The following RBFOX3 variants were observed in gnomAD, a reference collection of about 807,000 sequenced individuals.
RBFOX3 encodes the protein RNA binding fox-1 homolog 3, also known as RNA binding protein fox-1 homolog 3.
In RBFOX3, 17 loss-of-function variants were observed where a neutral mutation model predicts 48.7. The ratio of observed to expected loss-of-function variants is 0.35; its 90% CI spans 0.24 to 0.52. The LOEUF is 0.52. Ranked by LOEUF, RBFOX3 falls within the 20% of genes least tolerant of loss-of-function variation. The probability of loss-of-function intolerance (pLI) is 0.94; values close to 1 mark genes in which losing one functional copy is unlikely to be tolerated. For synonymous variants in RBFOX3, 212 were observed against 209.5 expected (o/e 1.01, Z -0.10); for missense variants, 382 against 497.5 (o/e 0.77, Z 2.21).
At position 79,423,868 on chromosome 17, in the gene RBFOX3, G is replaced by A. The variant is rs1454568528; in HGVS notation, c.-175+58586C>T. On this transcript the variant is annotated intron_variant, in intron 2 of 14. Coordinates refer to ENST00000693108, the MANE Select transcript of RBFOX3 (RefSeq NM_001350451.2). The surrounding 1 kb of genome is among the most constrained non-coding windows in gnomAD (Gnocchi z 4.9). ...CACACTCAGTCATGTGCTACCCAGAGCACGCCACATGCCCTCAGCTCCCTG... is the reference window on the plus strand; with the variant it reads ...CACACTCAGTCATGTGCTACCCAGAACACGCCACATGCCCTCAGCTCCCTG... 6.5e-6 allele frequency: 1 copy of A among 153,766 alleles called. No homozygotes were observed. The highest frequency in any genetic ancestry group is 2.4e-5 in the African/African-American group (1 of 41,428). 9.5% of individuals were successfully genotyped at this position (153,766 alleles called of 1,614,324 possible).
chr17:79,487,942 C>T (rs1214554843), intron 1 of RBFOX3, among the ~76,000 whole-genome samples: 1 of 119,530 alleles, frequency 8.4e-6, no homozygotes, highest in East Asian at 2.2e-4. Context: ...TCCTGGGTGA[C>T]CTGAACACCA....
intron 1 of RBFOX3, among the ~76,000 whole-genome samples, chr17:79,527,122 C>T (rs1372877946): frequency 4.6e-5 from 7 of 152,240 alleles, no homozygotes; most frequent in African/African-American, 1.7e-4. Context: ...GCTACTCGTG[C>T]CTCTAGGCAC....
rs116127105 is a variant in RBFOX3 at position 79,453,365 on chromosome 17, C to T, written c.-175+29089G>A. On this transcript the variant is annotated intron_variant, in intron 2 of 14. Transcript: ENST00000693108. ...GAGATGGCCATAGAAGCTGGGGCGTCGCAGTGGGGCCCCTCTCTTCCTCCT... is the reference window on the plus strand; with the variant it reads ...GAGATGGCCATAGAAGCTGGGGCGTTGCAGTGGGGCCCCTCTCTTCCTCCT... Among the ~76,000 whole-genome samples, 780 of 152,222 alleles carry T rather than the reference C, an allele frequency of 5.1e-3. 10 individuals are homozygous for T. The highest frequency in any genetic ancestry group is 0.017 in the African/African-American group (725 of 41,532).
chr17:79,560,019 T>G, intron 1 of RBFOX3, among the ~76,000 whole-genome samples: 1 of 92,640 alleles, frequency 1.1e-5, no homozygotes, highest in South Asian at 4.1e-4. Context: ...GATGGGTGGG[T>G]GGGTGTATGG....
At position 79,572,812 on chromosome 17, in the gene RBFOX3, C is replaced by T. The variant is rs961391141; in HGVS notation, c.-320+38014G>A. Among the ~76,000 whole-genome samples, 554 of 152,316 alleles carry T rather than the reference C, an allele frequency of 3.6e-3. 5 individuals carry two copies. Among genetic ancestry groups the T allele is most frequent in the African/African-American group, 0.012 (512 of 41,566 alleles). ...GCTCTGAGGACCAGAATAATGGCCA[C>T]GCTGCAGGGACGCAGAGGCTGGCCA... On this transcript the variant is annotated intron_variant, in intron 1 of 14. Coordinates refer to ENST00000693108, the MANE Select transcript of RBFOX3 (RefSeq NM_001350451.2).
chr17:79,290,184 C>T (rs2072962284), intron 3 of RBFOX3, among the ~76,000 whole-genome samples: 1 of 152,036 alleles, frequency 6.6e-6, no homozygotes, highest in Non-Finnish European at 1.5e-5. Context: ...GAAGGGGAAC[C>T]TTCTCAAGCT....
intron 2 of RBFOX3, among the ~76,000 whole-genome samples, chr17:79,402,884 G>A (rs527762312): frequency 6.6e-6 from 1 of 152,238 alleles, no homozygotes; most frequent in East Asian, 1.9e-4. Flanking sequence ...CCCGGATGTC[G>A]TGGGGCTGCC....
chr17:79,474,766 C>T lies in RBFOX3; in HGVS notation c.-175+7688G>A, dbSNP rs764781466. ...ACCACCTGACTCAGTCCCTGCTGCCCGCCCACTGGCCTGCCTCACCACCAG... is the reference window on the plus strand; with the variant it reads ...ACCACCTGACTCAGTCCCTGCTGCCTGCCCACTGGCCTGCCTCACCACCAG... On this transcript the variant is annotated intron_variant, in intron 2 of 14. Transcript: ENST00000693108. Among the ~76,000 whole-genome samples the T allele has an allele frequency of 5.4e-3, 817 of 152,284 alleles. 4 individuals are homozygous for T. The highest frequency in any genetic ancestry group is 8.7e-3 in the Non-Finnish European group (589 of 68,016).
chr17:79,581,763 G>A (rs980008207), intron 1 of RBFOX3, among the ~76,000 whole-genome samples: 12 of 152,250 alleles, frequency 7.9e-5, no homozygotes, highest in Admixed American at 6.5e-4. Context: ...ACCTCTTGCT[G>A]TTCCAAGGAG....
intron 4 of RBFOX3, among the ~76,000 whole-genome samples, chr17:79,139,231 A>G (rs1490734248): frequency 6.7e-6 from 1 of 149,338 alleles, no homozygotes; most frequent in African/African-American, 2.5e-5. Flanking sequence ...CCCCACAAAC[A>G]CAGGGCCCCC....
At chr17:79,513,810 C>A (rs1357857881) in intron 1 of RBFOX3, among the ~76,000 whole-genome samples, 1 of 152,198 alleles carries the variant, frequency 6.6e-6, no homozygotes, top group Non-Finnish European at 1.5e-5. Flanking sequence ...CCATTTCTCC[C>A]GAGTGTGGTT....
chr17:79,559,185 A>G (rs1372325969), intron 1 of RBFOX3, among the ~76,000 whole-genome samples: 1 of 152,066 alleles, frequency 6.6e-6, no homozygotes, highest in East Asian at 1.9e-4. Flanking sequence ...TTTTTTTCCC[A>G]TGATTGTCTT....
the RBFOX3 span, among the ~76,000 whole-genome samples, chr17:79,637,875 C>G: frequency 6.6e-6 from 1 of 151,878 alleles, no homozygotes; most frequent in Non-Finnish European, 1.5e-5. Context: ...TCAAGATGAT[C>G]TAAATTATTC....
intron 2 of RBFOX3, among the ~76,000 whole-genome samples, chr17:79,347,439 A>G (rs1387043697): frequency 6.6e-6 from 1 of 151,996 alleles, no homozygotes; most frequent in African/African-American, 2.4e-5. Context: ...GTCCTCTTCT[A>G]TATTTTTATT....
chr17:79,559,469 G>A (rs939304395), intron 1 of RBFOX3, among the ~76,000 whole-genome samples: 57 of 150,062 alleles, frequency 3.8e-4, no homozygotes, highest in Admixed American at 1.7e-3. Context: ...GTGACTGATG[G>A]ATACTGCATG....
rs2078113475 is a variant in RBFOX3, at chr17:79,477,569, AGAG to A, written c.-175+4882_-175+4884del. On this transcript the variant is annotated intron_variant, in intron 2 of 14. Transcript: ENST00000693108. This position sits in a 1 kb window ranked among gnomAD's most constrained non-coding sequence, Gnocchi z 4.8. The stretch of plus-strand genomic sequence containing the variant: ...AAACTCCGTCACCGGAAAAAAAAAA[AGAG>A]GAGGAGGAGTAGGAAAAAAGGGTGA... Among the ~76,000 whole-genome samples the A allele has an allele frequency of 6.7e-6, 1 of 149,866 alleles. No homozygotes were observed. The highest frequency in any genetic ancestry group is 2.4e-5 in the African/African-American group (1 of 40,878).
intron 2 of RBFOX3, among the ~76,000 whole-genome samples, chr17:79,389,090 C>G (rs113250450): frequency 6.7e-6 from 1 of 148,186 alleles, no homozygotes. Context: ...AGGGACGAAG[C>G]GGTGGGCGCG....
chr17:79,179,299 G>A lies in RBFOX3; in HGVS notation c.-34+56467C>T, dbSNP rs185643595. On this transcript the variant is annotated intron_variant, in intron 4 of 14. Coordinates refer to ENST00000693108, the MANE Select transcript of RBFOX3 (RefSeq NM_001350451.2). ...TTTGGGTTCCACAACCAGAGGGAAC[G>A]TGCTCTGCCATCAACAACTCCAAGA... Among the ~76,000 whole-genome samples the A allele has an allele frequency of 7.2e-5, 11 of 152,338 alleles. No individual in the cohort carries two copies. In the East Asian group the frequency reaches 1.7e-3, roughly 24 times the overall value.
chr17:79,552,764 T>G (rs977279268), intron 1 of RBFOX3, among the ~76,000 whole-genome samples: 6 of 152,242 alleles, frequency 3.9e-5, no homozygotes, highest in Admixed American at 6.5e-5. Flanking sequence ...GTTAAGTTTA[T>G]TCCTAGATAT....
Sources: gnomAD v4.1 joint callset for allele counts (sites outside exome capture counted in the v4.1 genomes callset) on GRCh38, gnomAD v4.1.1 for gene constraint, Gnocchi (gnomAD v3.1) non-coding constraint, MANE v1.5 for transcripts, NCBI Gene and HGNC (gene_info 2026-07-23, HGNC 2026-07-21) for gene names.